Variants in XKR6 observed in about 807,000 individuals in gnomAD.
XKR6 encodes the protein XK-related protein 6.
Under a neutral mutation model 56.7 loss-of-function variants are expected in XKR6, and 22 were observed. That is an observed-to-expected ratio of 0.39 (90% confidence interval 0.28 to 0.55). XKR6 has a LOEUF of 0.55. Among genes scored for constraint, XKR6 ranks in the 20% least tolerant of loss-of-function variants. The pLI is 0.66. For missense variants in XKR6, 852 were observed against 889.0 expected (o/e 0.96, Z 0.53); for synonymous variants, 524 against 387.8 (o/e 1.35, Z -4.13).
At chr8:11,069,512 A>C (rs1428779201) in intron 1 of XKR6, among the ~76,000 whole-genome samples, 1 of 151,894 alleles carries the variant, frequency 6.6e-6, no homozygotes, top group Admixed American at 6.6e-5. Flanking sequence ...CTCCTCCTCC[A>C]CTTCCTCTGA....
intron 1 of XKR6, among the ~76,000 whole-genome samples, chr8:11,167,425 T>C (rs1586642543): frequency 1.3e-5 from 2 of 152,290 alleles, no homozygotes; most frequent in South Asian, 2.1e-4. Context: ...CAGGGATACT[T>C]GACAAGGTTC....
intron 1 of XKR6, among the ~76,000 whole-genome samples, chr8:11,119,903 T>A (rs1238570302): frequency 6.6e-6 from 1 of 152,166 alleles, no homozygotes; most frequent in Non-Finnish European, 1.5e-5. Flanking sequence ...ATAAACGTAA[T>A]CCAGCATATA....
At chr8:11,104,712 G>A (rs540652179) in intron 1 of XKR6, 11 of 152,180 alleles carry the variant, frequency 7.2e-5, no homozygotes, top group Admixed American at 5.9e-4. Context: ...ATTTATTAGT[G>A]TTCAATTAGT....
At chr8:11,112,976 G>C (rs559290212) in intron 1 of XKR6, among the ~76,000 whole-genome samples, 55 of 152,260 alleles carry the variant, frequency 3.6e-4, no homozygotes, top group Non-Finnish European at 7.8e-4. Context: ...TGACAACTGA[G>C]TCTCCAGAAG....
At chr8:10,998,008 G>T (rs912239515) in intron 1 of XKR6, among the ~76,000 whole-genome samples, 2 of 152,132 alleles carry the variant, frequency 1.3e-5, no homozygotes, top group African/African-American at 4.8e-5. Context: ...AGAAGAGAAG[G>T]CTGAAGCCAC....
chr8:10,924,072 C>T (rs868512098), intron 2 of XKR6, among the ~76,000 whole-genome samples: 7 of 152,322 alleles, frequency 4.6e-5, no homozygotes, highest in Middle Eastern at 3.4e-3. Context: ...TCAAATGTCA[C>T]CCCATGTGTT....
chr8:10,991,311 CA>C (rs1392188855), intron 1 of XKR6, among the ~76,000 whole-genome samples: 1 of 152,162 alleles, frequency 6.6e-6, no homozygotes, highest in Non-Finnish European at 1.5e-5. Context: ...TCCAGGGTCA[CA>C]ATCCACTGTG....
chr8:11,045,156 A>G (rs1799379370), intron 1 of XKR6, among the ~76,000 whole-genome samples: 1 of 126,536 alleles, frequency 7.9e-6, no homozygotes, highest in Non-Finnish European at 1.5e-5. Flanking sequence ...GCACGATCTC[A>G]GCTCATTGCA....
At chr8:11,177,526 G>C (rs1802721444) in intron 1 of XKR6, among the ~76,000 whole-genome samples, 3 of 152,184 alleles carry the variant, frequency 2.0e-5, no homozygotes, top group Non-Finnish European at 4.4e-5. Context: ...GACCGAATTT[G>C]GAAATAGGGT....
intron 1 of XKR6, among the ~76,000 whole-genome samples, chr8:11,015,772 T>G (rs1798605211): frequency 6.7e-6 from 1 of 149,112 alleles, no homozygotes; most frequent in Non-Finnish European, 1.5e-5. Flanking sequence ...AGGTGAGAAG[T>G]GGGAGGGGAA....
intron 1 of XKR6, among the ~76,000 whole-genome samples, chr8:10,943,606 T>C (rs1277461333): frequency 6.6e-6 from 1 of 152,162 alleles, no homozygotes; most frequent in Non-Finnish European, 1.5e-5. Context: ...TCGCTCGTCC[T>C]CCCGTAGCTA....
chr8:11,152,497 A>T (rs1457926718), intron 1 of XKR6, among the ~76,000 whole-genome samples: 3 of 152,234 alleles, frequency 2.0e-5, no homozygotes, highest in African/African-American at 4.8e-5. Context: ...GGGAGAAAGG[A>T]AAATTAAATC....
At position 10,898,458 on chromosome 8, in the gene XKR6, C is replaced by G. The variant is rs1563276057; in HGVS notation, c.1420G>C (p.Val474Leu). 6.2e-7 allele frequency: 1 copy of G among 1,613,978 alleles called. No individual in the cohort carries two copies. Among genetic ancestry groups the G allele is most frequent in the East Asian group, 2.2e-5 (1 of 44,876 alleles). The change falls in exon 3 of 3, where the codon GTG becomes CTG. Residue 474 changes from valine (V) to leucine (L), a missense_variant. This residue lies in a region of XKR6 where 197 missense variants were observed against 190.9 expected (regional missense o/e 1.03). Coordinates refer to ENST00000416569, the MANE Select transcript of XKR6 (RefSeq NM_173683.4). The surrounding 1 kb of genome is among the most constrained non-coding windows in gnomAD (Gnocchi z 6.6). Reference sequence around the variant, plus strand: ...ATAAAGACACAACACAGTGCTGGCACCGCATAGGAGTCAGTGGTCTCCGGG... The same window carrying G: ...ATAAAGACACAACACAGTGCTGGCAGCGCATAGGAGTCAGTGGTCTCCGGG... The part of the protein sequence containing the change: ...RDPETTDSYA[V>L]PALCCVFISF...
In XKR6 at chr8:11,010,881, A is replaced by C. The variant is rs536656282; in HGVS notation, c.765-86051T>G. ...ACAGTCGTGGTATGAGTGGGGCTGA[A>C]GACTGGCTTGAGTGATGTGTCTCCT... On this transcript the variant is annotated intron_variant, in intron 1 of 2. Coordinates refer to ENST00000416569, the MANE Select transcript of XKR6 (RefSeq NM_173683.4). 2.0e-5 allele frequency among the ~76,000 whole-genome samples: 3 copies of C among 152,244 alleles called. No individual in the cohort carries two copies. In the East Asian group the frequency reaches 5.8e-4, roughly 29 times the overall value.
In XKR6 at chr8:10,902,886, T is replaced by A. The variant is rs535554722; in HGVS notation, c.962-3970A>T. On this transcript the variant is annotated intron_variant, in intron 2 of 2. Transcript: ENST00000416569. ...GGGGAGGTCAAAACTCTTACCCCCA[T>A]CACTTTCTAATCTACCTCATCACCA... is the stretch of plus-strand genomic sequence containing the variant. Among the ~76,000 whole-genome samples the A allele has an allele frequency of 2.6e-4, 39 of 152,270 alleles. 1 individual carries two copies. The highest frequency in any genetic ancestry group is 8.7e-4 in the African/African-American group (36 of 41,550).
chr8:11,075,688 G>C (rs1203381271), intron 1 of XKR6, among the ~76,000 whole-genome samples: 1 of 152,106 alleles, frequency 6.6e-6, no homozygotes, highest in East Asian at 1.9e-4. Flanking sequence ...TTTGAGACCA[G>C]CCTGGCTAAC....
At chr8:11,083,924 G>A (rs983785035) in intron 1 of XKR6, among the ~76,000 whole-genome samples, 6 of 150,702 alleles carry the variant, frequency 4.0e-5, no homozygotes, top group African/African-American at 9.8e-5. Context: ...TTGCTGTTTC[G>A]TTAAAAAAAA....
rs113567008 is a variant in XKR6 at position 11,148,397 on chromosome 8, G to C, written c.764+52179C>G. ...AGGGCAGCCGTCTGCAAGCCAAGAA[G>C]AGGGGCCTCAGAGGAAACCAATGCT... is the stretch of plus-strand genomic sequence containing the variant. On this transcript the variant is annotated intron_variant, in intron 1 of 2. Coordinates refer to ENST00000416569, the MANE Select transcript of XKR6 (RefSeq NM_173683.4). Among the ~76,000 whole-genome samples the C allele has an allele frequency of 4.2e-3, 639 of 152,308 alleles. 5 individuals carry two copies. Among genetic ancestry groups the C allele is most frequent in the Middle Eastern group, 0.024 (7 of 294 alleles).
chr8:11,160,682 G>C (rs1801752663), intron 1 of XKR6, among the ~76,000 whole-genome samples: 1 of 152,112 alleles, frequency 6.6e-6, no homozygotes, highest in South Asian at 2.1e-4. Context: ...GGCCAAGGCG[G>C]GTGGATCCCG....
Sources: allele counts gnomAD v4.1 joint callset (sites outside exome capture counted in the v4.1 genomes callset), GRCh38; gene constraint gnomAD v4.1.1; regional missense constraint gnomAD v4.1.1; non-coding constraint Gnocchi (gnomAD v3.1); transcripts MANE v1.5; gene names NCBI Gene and HGNC (gene_info 2026-07-23, HGNC 2026-07-21).